ZNF516: variants seen among roughly 807,000 people sequenced by gnomAD.
ZNF516 encodes the protein zinc finger protein 516.
In ZNF516, 19 loss-of-function variants were observed where a neutral mutation model predicts 79.7. That is an observed-to-expected ratio of 0.24 (90% CI 0.17 to 0.35). The LOEUF is 0.35. ZNF516 is among the 10% of genes least tolerant of loss of function. The pLI is 1.00. For missense variants in ZNF516, 1,678 were observed against 1,679.5 expected (o/e 1.00, Z 0.02); for synonymous variants, 877 against 739.5 (o/e 1.19, Z -3.02).
intron 3 of ZNF516, chr18:76,386,753 T>C (rs1439653044): frequency 3.3e-5 from 5 of 152,260 alleles, no homozygotes; most frequent in Admixed American, 1.3e-4. Flanking sequence ...TCCTTTCTAA[T>C]GGATGAGAGC....
intron 3 of ZNF516, among the ~76,000 whole-genome samples, chr18:76,410,346 C>T (rs2075359524): frequency 1.3e-5 from 2 of 152,232 alleles, no homozygotes; most frequent in African/African-American, 4.8e-5. Flanking sequence ...TATCCATTCT[C>T]TGGCTTCCAA....
chr18:76,491,161 G>T, intron 1 of ZNF516: 1 of 944,320 alleles, frequency 1.1e-6, no homozygotes, highest in Non-Finnish European at 1.3e-6. Context: ...CAATTACCTG[G>T]GCTCCGCCGC....
At chr18:76,384,519 GC>G (rs2074950938) in intron 3 of ZNF516, among the ~76,000 whole-genome samples, 1 of 77,742 alleles carries the variant, frequency 1.3e-5, no homozygotes, top group East Asian at 3.6e-4. Flanking sequence ...CAGTTCTCAC[GC>G]CCCCTCCACG....
At chr18:76,380,601 G>A (rs1450053117) in intron 3 of ZNF516, among the ~76,000 whole-genome samples, 5 of 152,118 alleles carry the variant, frequency 3.3e-5, no homozygotes, top group Admixed American at 6.6e-5. Context: ...GTTAACAGAG[G>A]GTGACTGGTA....
In ZNF516 at chr18:76,359,949, G is replaced by A. The variant is rs1461598635; in HGVS notation, c.*2549C>T. On this transcript the variant is annotated 3_prime_UTR_variant, in exon 7 of 7. Transcript: ENST00000443185. ...CAATACTGACGATGGGTGGAAGGAA[G>A]GGACCACACATCCAGGCCTGCCCAC... 6.6e-6 allele frequency: 1 copy of A among 152,222 alleles called. No homozygotes were observed. Among genetic ancestry groups the A allele is most frequent in the East Asian group, 1.9e-4 (1 of 5,196 alleles). The allele number at this position is 152,222 out of a possible 1,614,324, so 9.4% of individuals were successfully genotyped here.
Position 76,488,184 on chromosome 18 carries a change from A to T in ZNF516, c.-272+6960T>A, listed in dbSNP as rs577797914. On this transcript the variant is annotated intron_variant, in intron 1 of 6. Coordinates refer to ENST00000443185, the MANE Select transcript of ZNF516 (RefSeq NM_014643.4). ...GCCTGACACTACAATTCACTTGAAAAATGCAACTCTAAATGAGATGCAGCT... is the reference window on the plus strand; with the variant it reads ...GCCTGACACTACAATTCACTTGAAATATGCAACTCTAAATGAGATGCAGCT... The T allele has an allele frequency of 1.3e-3, 1,294 of 985,358 alleles. 1 individual carries two copies. The highest frequency in any genetic ancestry group is 1.7e-3 in the Admixed American group (27 of 16,280). 61.0% of individuals were successfully genotyped at this position (985,358 alleles called of 1,614,324 possible). A position where few individuals can be genotyped will look rare whatever the true frequency, so the allele number is the denominator to read the frequency against.
intron 1 of ZNF516, among the ~76,000 whole-genome samples, chr18:76,481,321 GGGGACCCCAA>G (rs1914510016): frequency 2.6e-5 from 4 of 152,196 alleles, no homozygotes; most frequent in African/African-American, 4.8e-5. Context: ...TAGACAGGCT[GGGGACCCCAA>G]AGAGGCAGAC....
rs571272906 is a variant in ZNF516, at chr18:76,464,478, C to T, written c.-271-1337G>A. Among the ~76,000 whole-genome samples, 32 of 152,362 alleles carry T rather than the reference C, an allele frequency of 2.1e-4. No individual in the cohort carries two copies. In the South Asian group the frequency reaches 6.6e-3, roughly 32 times the overall value. ...ACCATCACTGGGAAACCCCAAGAGT[C>T]ATGGAGACAAAGGTGCAGAGCCCCC... is the stretch of plus-strand genomic sequence containing the variant. On this transcript the variant is annotated intron_variant, in intron 1 of 6. Coordinates refer to ENST00000443185, the MANE Select transcript of ZNF516 (RefSeq NM_014643.4).
chr18:76,376,542 A>C (rs894635158), intron 4 of ZNF516, among the ~76,000 whole-genome samples: 42 of 152,240 alleles, frequency 2.8e-4, no homozygotes, highest in African/African-American at 9.2e-4. Context: ...TCAAAAAAAA[A>C]AAAAAAAGAC....
intron 3 of ZNF516, among the ~76,000 whole-genome samples, chr18:76,403,143 G>A (rs1262129573): frequency 6.6e-6 from 1 of 152,194 alleles, no homozygotes; most frequent in African/African-American, 2.4e-5. Context: ...TATCTACCCT[G>A]CGTTTACTAT....
At chr18:76,479,914 A>G (rs917097497) in intron 1 of ZNF516, among the ~76,000 whole-genome samples, 7 of 152,218 alleles carry the variant, frequency 4.6e-5, no homozygotes, top group Non-Finnish European at 1.0e-4. Context: ...AACTGCTGGG[A>G]TCCCCCAGAG....
chr18:76,415,746 A>G (rs2554830), intron 3 of ZNF516, among the ~76,000 whole-genome samples: 85,471 of 151,984 alleles, frequency 0.56, 24,236 homozygotes, highest in South Asian at 0.68. Context: ...GCATAGAGAA[A>G]CCGGCTCAAA....
chr18:76,465,750 T>C (rs888712721), intron 1 of ZNF516, among the ~76,000 whole-genome samples: 15 of 152,168 alleles, frequency 9.9e-5, no homozygotes, highest in African/African-American at 3.4e-4. Context: ...CAGAAGTCCC[T>C]GCACCAGGAC....
intron 6 of ZNF516, among the ~76,000 whole-genome samples, chr18:76,367,033 C>T (rs113043154): frequency 3.2e-4 from 48 of 152,314 alleles, no homozygotes; most frequent in Middle Eastern, 3.4e-3. Flanking sequence ...CCCGTATCTT[C>T]GCCTGCCTAT....
intron 3 of ZNF516, among the ~76,000 whole-genome samples, chr18:76,398,430 C>T (rs779585730): frequency 4.6e-5 from 7 of 152,274 alleles, no homozygotes; most frequent in Non-Finnish European, 1.0e-4. Context: ...CCTTGTATGA[C>T]GCAGCTGTCT....
intron 1 of ZNF516, among the ~76,000 whole-genome samples, chr18:76,480,159 T>TAAAAAAAAAAAAAAAA (rs539724418): frequency 9.2e-6 from 1 of 109,208 alleles, no homozygotes; most frequent in African/African-American, 3.4e-5. Context: ...AGATTTTGTG[T>TAAAAAAAAAAAAAAAA]AAAAAAAAAA....
At position 76,493,939 on chromosome 18, in the gene ZNF516, T is replaced by C. The variant is rs897797686; in HGVS notation, c.-272+1205A>G. 1 of 152,198 alleles carries C rather than the reference T, an allele frequency of 6.6e-6. No homozygotes were observed. The highest frequency in any genetic ancestry group is 6.5e-5 in the Admixed American group (1 of 15,288). 9.4% of individuals were successfully genotyped at this position (152,198 alleles called of 1,614,324 possible). Reference sequence around the variant, plus strand: ...AAAAAGAGGGCTGCGCAAGTTGATCTTTGCACACCCGGAGACCCGGTGACT... The same window carrying C: ...AAAAAGAGGGCTGCGCAAGTTGATCCTTGCACACCCGGAGACCCGGTGACT... On this transcript the variant is annotated intron_variant, in intron 1 of 6. Coordinates refer to ENST00000443185, the MANE Select transcript of ZNF516 (RefSeq NM_014643.4). The surrounding 1 kb of genome is among the most constrained non-coding windows in gnomAD (Gnocchi z 5.2).
At chr18:76,477,932 T>C (rs1002912600) in intron 1 of ZNF516, among the ~76,000 whole-genome samples, 3 of 152,164 alleles carry the variant, frequency 2.0e-5, no homozygotes, top group Non-Finnish European at 4.4e-5. Flanking sequence ...AGTATTGTTA[T>C]CCATTTTTTA....
chr18:76,389,198 ACGAGCCAC>A (rs2075034121), intron 3 of ZNF516: 2 of 151,962 alleles, frequency 1.3e-5, no homozygotes, highest in African/African-American at 4.8e-5. Context: ...TGTCAAGGTC[ACGAGCCAC>A]AGCTGGCAAC....
Sources: allele counts gnomAD v4.1 joint callset (sites outside exome capture counted in the v4.1 genomes callset), GRCh38; gene constraint gnomAD v4.1.1; non-coding constraint Gnocchi (gnomAD v3.1); transcripts MANE v1.5; gene names NCBI Gene and HGNC (gene_info 2026-07-23, HGNC 2026-07-21).